The following SNTB1 variants were observed in gnomAD, a reference collection of about 807,000 sequenced individuals.
SNTB1 encodes syntrophin beta 1, also known as beta-1-syntrophin.
A neutral mutation model predicts 48.9 loss-of-function variants in SNTB1; 36 were observed. The observed-to-expected ratio is 0.74, with a 90% confidence interval of 0.56 to 0.97. The LOEUF is 0.97. Ranked by LOEUF, SNTB1 falls within the 50% of genes least tolerant of loss-of-function variation. The pLI is 0.00. For synonymous variants in SNTB1, 299 were observed against 294.6 expected, an observed-to-expected ratio of 1.01 and a Z score of -0.15; for missense variants, 786 against 703.4, an observed-to-expected ratio of 1.12 and a Z score of -1.33.
chr8:120,629,749 C>T (rs1372970205), intron 3 of SNTB1, among the ~76,000 whole-genome samples: 1 of 152,196 alleles, frequency 6.6e-6, no homozygotes, highest in African/African-American at 2.4e-5. Flanking sequence ...AAAAGACATT[C>T]TTGCTTCTCA....
intron 1 of SNTB1, among the ~76,000 whole-genome samples, chr8:120,800,740 T>C (rs1820212150): frequency 6.6e-6 from 1 of 152,006 alleles, no homozygotes; most frequent in Non-Finnish European, 1.5e-5. Context: ...ACAAAAAAAC[T>C]AAGCAAACAG....
chr8:120,674,389 C>T (rs1824171095), intron 2 of SNTB1, among the ~76,000 whole-genome samples: 1 of 152,178 alleles, frequency 6.6e-6, no homozygotes. Flanking sequence ...AGAGCAAAAG[C>T]AAACAAGGCT....
intron 3 of SNTB1, among the ~76,000 whole-genome samples, chr8:120,612,417 G>A (rs867933432): frequency 2.6e-5 from 4 of 152,196 alleles, no homozygotes; most frequent in South Asian, 2.1e-4. Context: ...GTTCCACAAT[G>A]CAGTATACAG....
intron 2 of SNTB1, among the ~76,000 whole-genome samples, chr8:120,638,556 C>A (rs1817122678): frequency 6.6e-6 from 1 of 152,114 alleles, no homozygotes; most frequent in Non-Finnish European, 1.5e-5. Context: ...CCCCTCCTCA[C>A]TCCCCTCACC....
chr8:120,663,906 G>A (rs1406981461), intron 2 of SNTB1, among the ~76,000 whole-genome samples: 2 of 152,156 alleles, frequency 1.3e-5, no homozygotes, highest in East Asian at 3.8e-4. Context: ...TATTATGACA[G>A]TTTTATTTCC....
chr8:120,552,897 T>C (rs963744842), intron 4 of SNTB1, among the ~76,000 whole-genome samples: 1 of 152,046 alleles, frequency 6.6e-6, no homozygotes, highest in South Asian at 2.1e-4. Context: ...TGGTCCCATC[T>C]GGGGGTGATG....
intron 1 of SNTB1, among the ~76,000 whole-genome samples, chr8:120,743,953 C>A (rs1011633230): frequency 1.3e-5 from 2 of 152,102 alleles, no homozygotes; most frequent in African/African-American, 4.8e-5. Context: ...ACATAGTATA[C>A]TTTGTCTCTA....
At chr8:120,632,901 G>A (rs1158900182) in intron 2 of SNTB1, among the ~76,000 whole-genome samples, 2 of 152,144 alleles carry the variant, frequency 1.3e-5, no homozygotes, top group East Asian at 3.9e-4. Context: ...CCTAAATTAA[G>A]GTTATCTGAT....
intron 1 of SNTB1, among the ~76,000 whole-genome samples, chr8:120,768,040 G>A (rs1450567435): frequency 6.6e-6 from 1 of 152,132 alleles, no homozygotes; most frequent in African/African-American, 2.4e-5. Context: ...AATTGCAACT[G>A]CATTCAATTG....
At chr8:120,680,279 A>G (rs532612214) in intron 2 of SNTB1, among the ~76,000 whole-genome samples, 30 of 152,334 alleles carry the variant, frequency 2.0e-4, no homozygotes, top group African/African-American at 6.7e-4. Context: ...ATGGGAAGCT[A>G]TGTCAGGGCA....
intron 4 of SNTB1, among the ~76,000 whole-genome samples, chr8:120,573,927 A>G (rs1815899492): frequency 1.3e-5 from 2 of 152,204 alleles, no homozygotes; most frequent in Non-Finnish European, 2.9e-5. Flanking sequence ...TGATTATTAT[A>G]GGCTTGTAAT....
chr8:120,560,462 G>A (rs1345529003), intron 4 of SNTB1, among the ~76,000 whole-genome samples: 3 of 152,140 alleles, frequency 2.0e-5, no homozygotes, highest in Non-Finnish European at 2.9e-5. Flanking sequence ...CAGCCTGGGC[G>A]ACAGAGCGAG....
intron 1 of SNTB1, among the ~76,000 whole-genome samples, chr8:120,759,727 C>T (rs546970897): frequency 1.3e-4 from 20 of 152,284 alleles, no homozygotes; most frequent in Admixed American, 2.6e-4. Flanking sequence ...CCAAGACGAA[C>T]TTCATAGCCT....
chr8:120,733,396 T>C (rs1054380766), intron 1 of SNTB1, among the ~76,000 whole-genome samples: 3 of 152,278 alleles, frequency 2.0e-5, no homozygotes, highest in African/African-American at 7.2e-5. Flanking sequence ...ACATTGGTTT[T>C]GTGTTCAGCA....
At chr8:120,660,637 G>A (rs1817573002) in intron 2 of SNTB1, among the ~76,000 whole-genome samples, 1 of 152,148 alleles carries the variant, frequency 6.6e-6, no homozygotes, top group Admixed American at 6.6e-5. Flanking sequence ...AGCACTTTTG[G>A]TTTCCTTCAA....
chr8:120,623,452 C>G (rs566365932), intron 3 of SNTB1, among the ~76,000 whole-genome samples: 1 of 152,332 alleles, frequency 6.6e-6, no homozygotes, highest in African/African-American at 2.4e-5. Context: ...TTCAAAGAAT[C>G]CAATCACATC....
At chr8:120,594,998 C>CA (rs1587015531) in intron 3 of SNTB1, among the ~76,000 whole-genome samples, 3 of 151,348 alleles carry the variant, frequency 2.0e-5, no homozygotes, top group East Asian at 3.9e-4. Flanking sequence ...CACGCATTCA[C>CA]AAAAAAAAGT....
At chr8:120,544,503 T>C (rs1301139025) in intron 5 of SNTB1, among the ~76,000 whole-genome samples, 5 of 152,246 alleles carry the variant, frequency 3.3e-5, no homozygotes, top group African/African-American at 1.2e-4. Context: ...TACTTACTTC[T>C]CCACCACCCA....
intron 1 of SNTB1, among the ~76,000 whole-genome samples, chr8:120,793,013 C>T (rs900275964): frequency 1.3e-5 from 2 of 151,952 alleles, no homozygotes; most frequent in South Asian, 2.1e-4. Context: ...TTTGTTAATA[C>T]GTTTCTATCT....
Sources: gnomAD v4.1 joint callset for allele counts (sites outside exome capture counted in the v4.1 genomes callset) on GRCh38, gnomAD v4.1.1 for gene constraint, MANE v1.5 for transcripts, NCBI Gene and HGNC (gene_info 2026-07-23, HGNC 2026-07-21) for gene names.